Variants in MPPED2 observed in about 807,000 individuals in gnomAD.
MPPED2 encodes the protein metallophosphoesterase domain containing 2.
In MPPED2, 5 loss-of-function variants were observed where a neutral mutation model predicts 33.0. The observed-to-expected ratio is 0.15, with a 90% CI of 0.08 to 0.32. The LOEUF (loss-of-function observed/expected upper bound fraction) is 0.32. MPPED2 is among the 10% of genes least tolerant of loss of function. MPPED2 has a pLI of 1.00. For synonymous variants in MPPED2, 136 were observed against 141.9 expected (o/e 0.96, Z 0.29); for missense variants, 275 against 372.1 (o/e 0.74, Z 2.15).
intron 4 of MPPED2, among the ~76,000 whole-genome samples, chr11:30,443,278 T>A (rs535253067): frequency 6.6e-6 from 1 of 152,342 alleles, no homozygotes; most frequent in East Asian, 1.9e-4. Flanking sequence ...ACGTCAGGCA[T>A]TGGACAGAAT....
At chr11:30,473,669 A>G (rs1177455300) in intron 4 of MPPED2, among the ~76,000 whole-genome samples, 1 of 151,914 alleles carries the variant, frequency 6.6e-6, no homozygotes, top group Non-Finnish European at 1.5e-5. Context: ...AAAGTGATGG[A>G]GTATTACTTC....
intron 4 of MPPED2, among the ~76,000 whole-genome samples, chr11:30,444,254 G>A (rs539553953): frequency 2.6e-5 from 4 of 152,222 alleles, no homozygotes; most frequent in Non-Finnish European, 2.9e-5. Context: ...TTCCACCTGC[G>A]TTATAACGTA....
chr11:30,402,307 C>T (rs1052950445), intron 6 of MPPED2, among the ~76,000 whole-genome samples: 2 of 152,134 alleles, frequency 1.3e-5, no homozygotes, highest in Non-Finnish European at 2.9e-5. Flanking sequence ...ACAAGTATAG[C>T]AAGAATAACC....
chr11:30,502,247 C>T (rs1341494002), intron 3 of MPPED2, among the ~76,000 whole-genome samples: 1 of 152,176 alleles, frequency 6.6e-6, no homozygotes, highest in Admixed American at 6.5e-5. Flanking sequence ...TATGTGACAA[C>T]TTGATAAAGT....
intron 3 of MPPED2, among the ~76,000 whole-genome samples, chr11:30,507,140 T>G (rs1952871082): frequency 6.6e-6 from 1 of 152,254 alleles, no homozygotes; most frequent in Admixed American, 6.5e-5. Flanking sequence ...ATGGTACTTT[T>G]GTCAATAAGC....
chr11:30,488,171 T>C (rs1392186689), intron 4 of MPPED2, among the ~76,000 whole-genome samples: 3 of 152,222 alleles, frequency 2.0e-5, no homozygotes, highest in East Asian at 1.9e-4. Context: ...AGTTGACATA[T>C]AAACACTGTA....
rs142946239 is a variant in MPPED2 at position 30,538,859 on chromosome 11, A to T, written c.129-2684T>A. Among the ~76,000 whole-genome samples the T allele has an allele frequency of 3.5e-3, 536 of 152,272 alleles. 11 individuals are homozygous for T. The highest frequency in any genetic ancestry group is 4.1e-3 in the East Asian group (21 of 5,170). On this transcript the variant is annotated intron_variant, in intron 2 of 6. Coordinates refer to ENST00000358117, the MANE Select transcript of MPPED2 (RefSeq NM_001584.3). ...GTATACAGATGCAGACTTTATATAG[A>T]TATCCTGACCCAGAGGCACTGAGAA... is the stretch of plus-strand genomic sequence containing the variant.
rs909409253 is a variant in MPPED2 at position 30,451,604 on chromosome 11, C to T, written c.537-33971G>A. On this transcript the variant is annotated intron_variant, in intron 4 of 6. Transcript: ENST00000358117. ...AGGAACCCCACCACTACCACCCTCA[C>T]TCTCACTCCATGGGAGACGTTATTT... The T allele has an allele frequency of 4.0e-6, 3 of 756,572 alleles. No individual in the cohort carries two copies. In the African/African-American group the frequency reaches 5.7e-5, roughly 14 times the overall value. The allele number at this position is 756,572 out of a possible 1,614,324, so 46.9% of individuals were successfully genotyped here. A position where few individuals can be genotyped will look rare whatever the true frequency, so the allele number is the denominator to read the frequency against.
chr11:30,521,360 G>C (rs1216681377), intron 3 of MPPED2, among the ~76,000 whole-genome samples: 1 of 152,188 alleles, frequency 6.6e-6, no homozygotes, highest in East Asian at 1.9e-4. Flanking sequence ...ACGAAAGCTT[G>C]CTAATCAAAC....
In MPPED2 at chr11:30,401,205, T is replaced by C. The variant is rs116719159; in HGVS notation, c.767-12249A>G. ...TGACTGTGTGTTATAGGATAGCAGA[T>C]GGAGAAAACAGAACAGCACCACTGA... On this transcript the variant is annotated intron_variant, in intron 6 of 6. Transcript: ENST00000448418. Among the ~76,000 whole-genome samples the C allele has an allele frequency of 4.3e-3, 654 of 152,332 alleles. 6 individuals are homozygous for C. The highest frequency in any genetic ancestry group is 0.015 in the African/African-American group (616 of 41,584).
chr11:30,529,073 C>T (rs185807181), intron 3 of MPPED2, among the ~76,000 whole-genome samples: 4 of 152,182 alleles, frequency 2.6e-5, no homozygotes, highest in Admixed American at 6.5e-5. Context: ...AGAGATCTAG[C>T]TAAATAAAAA....
intron 4 of MPPED2, among the ~76,000 whole-genome samples, chr11:30,426,899 G>T (rs1380540185): frequency 6.6e-6 from 1 of 151,998 alleles, no homozygotes; most frequent in East Asian, 1.9e-4. Flanking sequence ...CCATAATAAG[G>T]CCCTGCAGCT....
intron 3 of MPPED2, chr11:30,504,788 A>T (rs749489465): frequency 2.3e-6 from 3 of 1,289,096 alleles, no homozygotes; most frequent in South Asian, 2.5e-5. Flanking sequence ...CTCCTCTGAA[A>T]CTCATGCATT....
chr11:30,396,775 A>C (rs1008270767), intron 6 of MPPED2, among the ~76,000 whole-genome samples: 15 of 152,300 alleles, frequency 9.8e-5, no homozygotes, highest in African/African-American at 3.6e-4. Context: ...TAAAGTGTAG[A>C]AAAATAGAAA....
intron 3 of MPPED2, among the ~76,000 whole-genome samples, chr11:30,502,464 C>A (rs1427522024): frequency 6.6e-6 from 1 of 152,176 alleles, no homozygotes; most frequent in East Asian, 1.9e-4. Flanking sequence ...ACAATTAAAA[C>A]ACATCCTGGC....
intron 3 of MPPED2, among the ~76,000 whole-genome samples, chr11:30,532,252 G>A (rs929881699): frequency 1.2e-4 from 19 of 152,152 alleles, no homozygotes; most frequent in African/African-American, 4.6e-4. Context: ...CGAAACCGTG[G>A]ACAATTCATT....
intron 4 of MPPED2, among the ~76,000 whole-genome samples, chr11:30,421,012 A>C (rs1948587317): frequency 6.6e-6 from 1 of 152,202 alleles, no homozygotes; most frequent in Admixed American, 6.5e-5. Context: ...GTTTTGCTAG[A>C]TTTTGAAAAC....
chr11:30,473,791 C>G (rs1446803255), intron 4 of MPPED2, among the ~76,000 whole-genome samples: 1 of 152,152 alleles, frequency 6.6e-6, no homozygotes, highest in East Asian at 1.9e-4. Context: ...GTCCATATGG[C>G]AAGGCATAGA....
chr11:30,437,933 T>C (rs926201440), intron 4 of MPPED2, among the ~76,000 whole-genome samples: 4 of 152,064 alleles, frequency 2.6e-5, no homozygotes, highest in East Asian at 1.9e-4. Context: ...AGCCAGACAA[T>C]TGGGTTTGAG....
Sources: allele counts gnomAD v4.1 joint callset (sites outside exome capture counted in the v4.1 genomes callset), GRCh38; gene constraint gnomAD v4.1.1; transcripts MANE v1.5; gene names NCBI Gene and HGNC (gene_info 2026-07-23, HGNC 2026-07-21).